Variants in KIAA1671 observed in about 807,000 individuals in gnomAD.
KIAA1671 encodes the protein KIAA1671.
A neutral mutation model predicts 131.2 loss-of-function variants in KIAA1671; 52 were observed. That is an observed-to-expected ratio of 0.40 (90% CI 0.32 to 0.50). KIAA1671 has a LOEUF of 0.50. Ranked by LOEUF, KIAA1671 falls within the 20% of genes least tolerant of loss-of-function variation. The pLI is 0.73. For synonymous variants in KIAA1671, 1,003 were observed against 961.6 expected, an observed-to-expected ratio of 1.04 and a Z score of -0.80; for missense variants, 2,360 against 2,364.2, an observed-to-expected ratio of 1.00 and a Z score of 0.04.
At chr22:25,031,058 T>C (rs987503797) in intron 3 of KIAA1671, among the ~76,000 whole-genome samples, 2 of 152,090 alleles carry the variant, frequency 1.3e-5, no homozygotes, top group Non-Finnish European at 2.9e-5. Context: ...TATTTATTTA[T>C]TTTTGTGACC....
intron 6 of KIAA1671, among the ~76,000 whole-genome samples, chr22:25,068,868 G>A (rs1292701111): frequency 6.6e-6 from 1 of 152,230 alleles, no homozygotes. Flanking sequence ...CAGCCTGGGG[G>A]CGGGAGCCTG....
rs528601295 is a variant in KIAA1671 at position 25,171,398 on chromosome 22, C to T, written c.4649+460C>T. ...CAGCCTGGGGGACAGAGCAAGACTCCGTCTCAAAAAAACAAACAAAAAAAG... is the reference window on the plus strand; with the variant it reads ...CAGCCTGGGGGACAGAGCAAGACTCTGTCTCAAAAAAACAAACAAAAAAAG... On this transcript the variant is annotated intron_variant, in intron 7 of 12. Transcript: ENST00000358431. Among the ~76,000 whole-genome samples the T allele has an allele frequency of 9.0e-4, 136 of 150,860 alleles. 1 individual carries two copies. The highest frequency in any genetic ancestry group is 3.2e-3 in the African/African-American group (133 of 40,974).
At chr22:25,142,433 A>G (rs369471843) in intron 6 of KIAA1671, among the ~76,000 whole-genome samples, 3 of 152,188 alleles carry the variant, frequency 2.0e-5, no homozygotes, top group East Asian at 1.9e-4. Flanking sequence ...TTCCCCAACA[A>G]TTCCATGGTC....
At chr22:25,037,422 G>A (rs1438325338) in intron 4 of KIAA1671, among the ~76,000 whole-genome samples, 2 of 151,846 alleles carry the variant, frequency 1.3e-5, no homozygotes, top group African/African-American at 2.4e-5. Flanking sequence ...GTATATATAT[G>A]TGTGTGTATA....
At chr22:25,141,899 A>T (rs150450258) in intron 6 of KIAA1671, among the ~76,000 whole-genome samples, 50 of 152,308 alleles carry the variant, frequency 3.3e-4, no homozygotes, top group African/African-American at 1.1e-3. Flanking sequence ...GTGATGTGTT[A>T]GCTCCGTGAC....
At chr22:25,174,189 C>G in intron 7 of KIAA1671, 51 bp from the exon 8 acceptor site, 1 of 1,536,646 alleles carries the variant, frequency 6.5e-7, no homozygotes, top group South Asian at 1.2e-5. Flanking sequence ...AAATCCCGTT[C>G]TCTGAAACGT....
chr22:24,981,880 G>A (rs371310907), intron 1 of KIAA1671, among the ~76,000 whole-genome samples: 2 of 152,162 alleles, frequency 1.3e-5, no homozygotes, highest in Non-Finnish European at 2.9e-5. Context: ...GCACTCCAGC[G>A]TGGGTGACAC....
At chr22:24,966,895 G>T (rs1407100840) in intron 1 of KIAA1671, among the ~76,000 whole-genome samples, 1 of 152,178 alleles carries the variant, frequency 6.6e-6, no homozygotes, top group Non-Finnish European at 1.5e-5. Flanking sequence ...GGTTGAGGCT[G>T]CAGTGAGCTG....
intron 6 of KIAA1671, among the ~76,000 whole-genome samples, chr22:25,129,903 C>T (rs1357429381): frequency 6.6e-6 from 1 of 152,108 alleles, no homozygotes; most frequent in Non-Finnish European, 1.5e-5. Context: ...TTGACGTATA[C>T]AATGCTCATA....
intron 10 of KIAA1671, among the ~76,000 whole-genome samples, chr22:25,182,425 CT>C (rs980254009): frequency 1.1e-4 from 16 of 150,220 alleles, no homozygotes; most frequent in Admixed American, 1.0e-3. Context: ...TTTTATCCTT[CT>C]TTTTTTCCTT....
intron 8 of KIAA1671, 190 bp from the exon 9 acceptor site, chr22:25,177,158 G>T: frequency 1.7e-6 from 1 of 600,338 alleles, no homozygotes. Flanking sequence ...ATCAGCCTAT[G>T]GGGTATGTTT....
At chr22:25,117,503 G>C (rs1382769989) in intron 6 of KIAA1671, among the ~76,000 whole-genome samples, 2 of 151,860 alleles carry the variant, frequency 1.3e-5, no homozygotes, top group African/African-American at 4.8e-5. Context: ...GCCCAAGGCC[G>C]AGTGGGAGTA....
At chr22:25,177,023 T>G (rs906916169) in intron 8 of KIAA1671, 2 of 309,870 alleles carry the variant, frequency 6.5e-6, no homozygotes, top group African/African-American at 4.1e-5. Context: ...TGCTGTAGAT[T>G]ACATGCTTGT....
chr22:25,041,911 A>G (rs1926945253), intron 5 of KIAA1671, among the ~76,000 whole-genome samples: 1 of 151,948 alleles, frequency 6.6e-6, no homozygotes, highest in African/African-American at 2.4e-5. Context: ...TGCTTGGCTA[A>G]TTTTTTATTT....
chr22:25,012,439 A>T (rs1925090136), intron 1 of KIAA1671: 1 of 151,802 alleles, frequency 6.6e-6, no homozygotes, highest in South Asian at 2.1e-4. Context: ...CGCCCAGCTA[A>T]TTTTTGTATT....
chr22:25,086,394 A>G (rs1307923485), intron 6 of KIAA1671, among the ~76,000 whole-genome samples: 3 of 152,172 alleles, frequency 2.0e-5, no homozygotes, highest in African/African-American at 4.8e-5. Context: ...TTGGCACACA[A>G]TAGGTGCTGA....
At position 25,028,554 on chromosome 22, in the gene KIAA1671, C is replaced by CCCCCCCCCAA; in HGVS notation, c.555_556insCCCCCCCCAA (p.Thr186ProfsTer110). 6.5e-7 allele frequency: 1 copy of CCCCCCCCCAA among 1,547,812 alleles called. No individual in the cohort carries two copies. The highest frequency in any genetic ancestry group is 8.7e-7 in the Non-Finnish European group (1 of 1,144,362). On this transcript the variant is annotated frameshift_variant, in exon 3 of 13. Transcript: ENST00000358431. LOFTEE classifies it high-confidence loss of function. The stretch of plus-strand genomic sequence containing the variant: ...AGGTGGCTGCCAAGCCCGCCCTGCC[C>CCCCCCCCCAA]ACCCAGAAGCCTGCGGGGACCCTTC...
chr22:25,040,669 A>T lies in KIAA1671; in HGVS notation c.3539A>T (p.Asp1180Val). ...PKDLPVRRKTDVISDTFPGKI... is the reference protein window; with the variant it reads ...PKDLPVRRKTVVISDTFPGKI... ...GATCTTCCTGTGAGAAGGAAGACTG[A>T]TGTGATCAGTGACACGTTCCCAGGT... Residue 1180 changes from aspartate to valine, a missense_variant, in exon 5 of 13, where the codon GAT becomes GTT. This residue lies in a region of KIAA1671 where 1,161 missense variants were observed against 1,204.7 expected (regional missense o/e 0.96). Coordinates refer to ENST00000358431, the MANE Select transcript of KIAA1671 (RefSeq NM_001145206.2). 1 of 1,552,152 alleles carries T rather than the reference A, an allele frequency of 6.4e-7. No individual in the cohort carries two copies. Among genetic ancestry groups the T allele is most frequent in the Non-Finnish European group, 8.7e-7 (1 of 1,147,082 alleles).
chr22:24,975,801 A>G (rs892150636), intron 1 of KIAA1671, among the ~76,000 whole-genome samples: 1 of 152,166 alleles, frequency 6.6e-6, no homozygotes, highest in Admixed American at 6.6e-5. Flanking sequence ...ATAGCCAAGG[A>G]TGGTGCAGAG....
Sources: allele counts gnomAD v4.1 joint callset (sites outside exome capture counted in the v4.1 genomes callset), GRCh38; gene constraint gnomAD v4.1.1; regional missense constraint gnomAD v4.1.1; transcripts MANE v1.5; gene names NCBI Gene and HGNC (gene_info 2026-07-23, HGNC 2026-07-21).